Variants in NANOS3 observed in about 807,000 individuals in gnomAD.
NANOS3 encodes the protein nanos homolog 3.
NANOS3 carries 11 observed loss-of-function variants against 13.8 expected under a neutral mutation model. That is an observed-to-expected ratio of 0.80 (90% CI 0.50 to 1.32). The LOEUF is 1.32. Ranked by LOEUF, NANOS3 falls within the 40% of genes most tolerant of loss-of-function variation. The probability of loss-of-function intolerance (pLI) is 0.00; values close to 1 mark genes in which losing one functional copy is unlikely to be tolerated. For synonymous variants in NANOS3, 119 were observed against 115.4 expected (o/e 1.03, Z -0.20); for missense variants, 221 against 263.8 (o/e 0.84, Z 1.12).
At position 13,877,210 on chromosome 19, in the gene NANOS3, T is replaced by G. The variant is rs144252384; in HGVS notation, c.-39T>G. The G allele has an allele frequency of 5.3e-3, 8,150 of 1,549,962 alleles. 36 individuals are homozygous for G. The highest frequency in any genetic ancestry group is 6.4e-3 in the Non-Finnish European group (7,287 of 1,136,456). ...AGCTTAAGCCAGGCAGGGTTACTTG[T>G]CTCTGTGACTCCTTCCGCCTGGCAC... is the stretch of plus-strand genomic sequence containing the variant. On this transcript the variant is annotated 5_prime_UTR_variant, in exon 1 of 2. Coordinates refer to ENST00000339133, the MANE Select transcript of NANOS3 (RefSeq NM_001098622.3).
chr19:13,872,024 C>A lies in NANOS3; in HGVS notation n.22-5644C>A, dbSNP rs115022178. Reference sequence around the variant, plus strand: ...AAAACAAAACAAAACAAAACAACAACAGCAACAAAAAAGAGAATAAAGATT... The same window carrying A: ...AAAACAAAACAAAACAAAACAACAAAAGCAACAAAAAAGAGAATAAAGATT... On this transcript the variant is annotated intron_variant and non_coding_transcript_variant, in intron 1 of 2. Coordinates refer to the NANOS3 transcript ENST00000591161. Among the ~76,000 whole-genome samples, 780 of 151,150 alleles carry A rather than the reference C, an allele frequency of 5.2e-3. 8 individuals are homozygous for A. Among genetic ancestry groups the A allele is most frequent in the African/African-American group, 0.018 (740 of 41,140 alleles).
upstream of NANOS3, chr19:13,862,177 G>A (rs1976168194): frequency 6.6e-6 from 1 of 152,430 alleles, no homozygotes; most frequent in African/African-American, 2.4e-5. Flanking sequence ...AGGAGAGTTA[G>A]ACGTAGAGAA....
At chr19:13,866,904 C>T (rs539742125) in intron 1 of NANOS3, among the ~76,000 whole-genome samples, 3 of 152,106 alleles carry the variant, frequency 2.0e-5, no homozygotes, top group Non-Finnish European at 4.4e-5. Flanking sequence ...CACACACAGA[C>T]GGTACAAGGC....
At chr19:13,879,964 C>T (rs969245568) in intron 1 of NANOS3, among the ~76,000 whole-genome samples, 1 of 151,786 alleles carries the variant, frequency 6.6e-6, no homozygotes, top group Non-Finnish European at 1.5e-5. Context: ...AGGTGGAGGT[C>T]GCAGTGAGCT....
intron 1 of NANOS3, among the ~76,000 whole-genome samples, chr19:13,871,122 G>C (rs968645828): frequency 6.6e-6 from 1 of 152,158 alleles, no homozygotes; most frequent in African/African-American, 2.4e-5. Flanking sequence ...CAAACCAGCA[G>C]ACAGCTGCAA....
chr19:13,871,493 G>GAGGCCTC (rs1976326953), intron 1 of NANOS3, among the ~76,000 whole-genome samples: 2 of 152,188 alleles, frequency 1.3e-5, no homozygotes, highest in Non-Finnish European at 2.9e-5. Flanking sequence ...TGGCCTTCAA[G>GAGGCCTC]ACCAGACCCC....
upstream of NANOS3, chr19:13,875,022 A>AC (rs775788023): frequency 1.1e-5 from 5 of 442,918 alleles, no homozygotes; most frequent in African/African-American, 2.0e-5. Context: ...TGGGGACAGG[A>AC]CCCCCCACCG....
At chr19:13,874,956 C>T (rs763074770), upstream of NANOS3, 8 of 529,916 alleles carry the variant, frequency 1.5e-5, no homozygotes, top group African/African-American at 1.5e-4. Flanking sequence ...GCCAGACCCA[C>T]CGGGGGATGA....
At chr19:13,875,891 C>T (rs1186295448), upstream of NANOS3, among the ~76,000 whole-genome samples, 3 of 152,158 alleles carry the variant, frequency 2.0e-5, no homozygotes, top group African/African-American at 7.2e-5. Context: ...AGCGTCTCTC[C>T]TCTGTGTCCA....
chr19:13,866,683 G>C (rs978497281), intron 1 of NANOS3, among the ~76,000 whole-genome samples: 1 of 152,190 alleles, frequency 6.6e-6, no homozygotes, highest in African/African-American at 2.4e-5. Context: ...CTGACACACA[G>C]AAGTGGGTGT....
intron 1 of NANOS3, among the ~76,000 whole-genome samples, chr19:13,869,610 C>CA (rs1883552685): frequency 6.6e-6 from 1 of 151,600 alleles, no homozygotes; most frequent in Non-Finnish European, 1.5e-5. Flanking sequence ...CCCTGCTTGC[C>CA]AGTCTAGACA....
In NANOS3 at chr19:13,880,468, C is replaced by G. The variant is rs1352346478; in HGVS notation, c.544C>G (p.Pro182Ala). 4.3e-6 allele frequency: 7 copies of G among 1,613,912 alleles called. No homozygotes were observed. The African/African-American group carries it at 6.7e-5, about 15-fold the overall frequency. Residue 182 changes from proline (P) to alanine (A), a missense_variant, in exon 2 of 2, where the codon CCT becomes GCT. By Grantham distance (27) the Pro-to-Ala change is conservative. Coordinates refer to ENST00000339133, the MANE Select transcript of NANOS3 (RefSeq NM_001098622.3). ...TTTCAGAGGTGCCGGGAAGTCTGAG[C>G]CTTCGCCCTCCTGCTCTCCCTCCAT... The part of the protein sequence containing the change: ...AGFRGAGKSE[P>A]SPSCSPSMST
At chr19:13,863,625 T>C (rs1434616895), upstream of NANOS3, among the ~76,000 whole-genome samples, 4 of 152,076 alleles carry the variant, frequency 2.6e-5, no homozygotes, top group Non-Finnish European at 5.9e-5. Flanking sequence ...GAGGTATGAT[T>C]ACTAGATTGC....
chr19:13,870,315 A>C (rs535071225), intron 1 of NANOS3, among the ~76,000 whole-genome samples: 3 of 152,090 alleles, frequency 2.0e-5, no homozygotes, highest in Non-Finnish European at 4.4e-5. Flanking sequence ...TCCTGTGCTC[A>C]GTCAGTCTTC....
At chr19:13,866,873 C>CCA (rs1000388893) in intron 1 of NANOS3, among the ~76,000 whole-genome samples, 19 of 151,704 alleles carry the variant, frequency 1.3e-4, no homozygotes, top group African/African-American at 4.1e-4. Context: ...GTCACCCCCA[C>CCA]CACACACACA....
At chr19:13,873,677 C>T (rs577955700), upstream of NANOS3, among the ~76,000 whole-genome samples, 14 of 152,208 alleles carry the variant, frequency 9.2e-5, no homozygotes, top group South Asian at 2.3e-3. Flanking sequence ...CGCTATGTTG[C>T]TCAGGTTGGT....
At chr19:13,878,101 G>C (rs568232799) in intron 1 of NANOS3, among the ~76,000 whole-genome samples, 1 of 151,990 alleles carries the variant, frequency 6.6e-6, no homozygotes, top group African/African-American at 2.4e-5. Flanking sequence ...GCTAAATTTT[G>C]TATTTTTAGT....
At chr19:13,866,892 C>T (rs1332130429) in intron 1 of NANOS3, among the ~76,000 whole-genome samples, 1 of 152,156 alleles carries the variant, frequency 6.6e-6, no homozygotes, top group Non-Finnish European at 1.5e-5. Context: ...CACACATACA[C>T]ACACACACAG....
At chr19:13,865,733 G>T (rs1976226581) in intron 1 of NANOS3, among the ~76,000 whole-genome samples, 1 of 151,328 alleles carries the variant, frequency 6.6e-6, no homozygotes, top group South Asian at 2.1e-4. Flanking sequence ...GGGGCCGCCA[G>T]GGGGAGGGCA....
Sources: allele counts gnomAD v4.1 joint callset (sites outside exome capture counted in the v4.1 genomes callset), GRCh38; gene constraint gnomAD v4.1.1; transcripts MANE v1.5; gene names NCBI Gene and HGNC (gene_info 2026-07-23, HGNC 2026-07-21).